The following GRK5 variants were observed in gnomAD, a reference collection of about 807,000 sequenced individuals.
GRK5 encodes the protein g protein-coupled receptor kinase GRK5.
A neutral mutation model predicts 78.4 loss-of-function variants in GRK5; 40 were observed. The ratio of observed to expected loss-of-function variants is 0.51; its 90% CI spans 0.40 to 0.66. The LOEUF is 0.66. Ranked by LOEUF, GRK5 falls within the 30% of genes least tolerant of loss-of-function variation. The pLI, the probability that GRK5 is intolerant of heterozygous loss-of-function variation, is 0.00. For synonymous variants in GRK5, 289 were observed against 296.8 expected, an observed-to-expected ratio of 0.97 and a Z score of 0.27; for missense variants, 598 against 759.9, an observed-to-expected ratio of 0.79 and a Z score of 2.50.
At chr10:119,305,477 C>A (rs1211090564) in intron 1 of GRK5, among the ~76,000 whole-genome samples, 1 of 152,092 alleles carries the variant, frequency 6.6e-6, no homozygotes, top group Admixed American at 6.5e-5. Context: ...GGGTGGAAGC[C>A]CCATAAAGGC....
At chr10:119,360,170 G>A (rs1398621159) in intron 2 of GRK5, among the ~76,000 whole-genome samples, 2 of 151,970 alleles carry the variant, frequency 1.3e-5, no homozygotes, top group Middle Eastern at 3.2e-3. Flanking sequence ...AGTTGAGGGA[G>A]GCTGAGGCTG....
intron 1 of GRK5, among the ~76,000 whole-genome samples, chr10:119,216,879 T>G (rs1848583899): frequency 6.6e-6 from 1 of 152,044 alleles, no homozygotes; most frequent in South Asian, 2.1e-4. Context: ...TGTTTGAACC[T>G]GGGAGTGCCA....
Position 119,245,003 on chromosome 10 carries a change from C to T in GRK5, c.52+37034C>T, listed in dbSNP as rs991447664. Among the ~76,000 whole-genome samples the T allele has an allele frequency of 5.3e-5, 8 of 152,092 alleles. No individual in the cohort carries two copies. In the East Asian group the frequency reaches 5.8e-4, roughly 11 times the overall value. ...TTATCCAAAAGAATTCAAGGCTGGG[C>T]GCGGTGGCTCGCACCTGTAATCCCA... On this transcript the variant is annotated intron_variant, in intron 1 of 15. Transcript: ENST00000392870.
At chr10:119,380,021 C>A (rs1851688129) in intron 2 of GRK5, among the ~76,000 whole-genome samples, 1 of 152,132 alleles carries the variant, frequency 6.6e-6, no homozygotes. Context: ...TAGTGCCTAA[C>A]TGGAAAAGTC....
At chr10:119,348,574 G>C (rs1851140137) in intron 2 of GRK5, among the ~76,000 whole-genome samples, 1 of 152,224 alleles carries the variant, frequency 6.6e-6, no homozygotes, top group African/African-American at 2.4e-5. Flanking sequence ...GTGCTGGGCA[G>C]CAATGGGCAT....
chr10:119,254,024 G>A (rs953017034), intron 1 of GRK5, among the ~76,000 whole-genome samples: 1 of 152,224 alleles, frequency 6.6e-6, no homozygotes, highest in African/African-American at 2.4e-5. Context: ...CAACAGGGCT[G>A]ATGTGTCTCC....
At position 119,455,028 on chromosome 10, in the gene GRK5, C is replaced by G; in HGVS notation, c.1734C>G (p.Asn578Lys). 1 of 1,614,142 alleles carries G rather than the reference C, an allele frequency of 6.2e-7. No homozygotes were observed. Among genetic ancestry groups the G allele is most frequent in the Non-Finnish European group, 8.5e-7 (1 of 1,179,992 alleles). The part of the protein sequence containing the change: ...SSKTSFNHHI[N>K]SNHVSSNSTG... ...AGACCAGTTTTAACCACCACATAAA[C>G]TCAAACCATGTCAGCTCGAACTCCA... Residue 578 changes from asparagine (N) to lysine (K), a missense_variant, in exon 16 of 16, where the codon AAC (asparagine) becomes AAG (lysine). By Grantham distance (94) the Asn-to-Lys change is moderately conservative. Coordinates refer to ENST00000392870, the MANE Select transcript of GRK5 (RefSeq NM_005308.3).
chr10:119,219,915 A>G (rs1007787376), intron 1 of GRK5, among the ~76,000 whole-genome samples: 3 of 152,210 alleles, frequency 2.0e-5, no homozygotes, highest in African/African-American at 7.2e-5. Context: ...TGCTTTTCAC[A>G]TAACTGCTAG....
At chr10:119,234,001 C>G (rs1047012500) in intron 1 of GRK5, among the ~76,000 whole-genome samples, 1 of 151,976 alleles carries the variant, frequency 6.6e-6, no homozygotes, top group Non-Finnish European at 1.5e-5. Context: ...GGTTTGATCC[C>G]CCATCTATTT....
In GRK5 at chr10:119,294,443, A is replaced by G. The variant is rs1589727412; in HGVS notation, c.53-32073A>G. ...CCAAAAGCAGATTTCCCAGGCAGGC[A>G]CTGTCCTGACCCAACCTGCCGCCAG... On this transcript the variant is annotated intron_variant, in intron 1 of 15. Coordinates refer to ENST00000392870, the MANE Select transcript of GRK5 (RefSeq NM_005308.3). Among the ~76,000 whole-genome samples the G allele has an allele frequency of 1.3e-5, 2 of 152,128 alleles. 1 individual carries two copies. Among genetic ancestry groups the G allele is most frequent in the Non-Finnish European group, 2.9e-5 (2 of 68,006 alleles).
At position 119,412,142 on chromosome 10, in the gene GRK5, C is replaced by A. The variant is rs904324682; in HGVS notation, c.340-11024C>A. Among the ~76,000 whole-genome samples, 2 of 152,106 alleles carry A rather than the reference C, an allele frequency of 1.3e-5. No homozygotes were observed. The highest frequency in any genetic ancestry group is 4.8e-5 in the African/African-American group (2 of 41,422). On this transcript the variant is annotated intron_variant, in intron 4 of 15. Transcript: ENST00000392870. This position sits in a 1 kb window ranked among gnomAD's most constrained non-coding sequence, Gnocchi z 4.3. ...CTGGGATTCCAGGCGTGAGCCACTGCGCCCGGCCTCAGATCCGCTTCTGAT... is the reference window on the plus strand; with the variant it reads ...CTGGGATTCCAGGCGTGAGCCACTGAGCCCGGCCTCAGATCCGCTTCTGAT...
rs748020504 is a variant in GRK5 at position 119,431,577 on chromosome 10, G to T, written c.738+50G>T. On this transcript the variant is annotated intron_variant, in intron 8 of 15. Coordinates refer to ENST00000392870, the MANE Select transcript of GRK5 (RefSeq NM_005308.3). The surrounding 1 kb of genome is among the most constrained non-coding windows in gnomAD (Gnocchi z 4.8). Reference sequence around the variant, plus strand: ...ACCGGCTCGCCCTTCTGTGGACTGGGGCTTCCCTCCCTCCGGAAGGGCGTG... The same window carrying T: ...ACCGGCTCGCCCTTCTGTGGACTGGTGCTTCCCTCCCTCCGGAAGGGCGTG... 3.1e-6 allele frequency: 5 copies of T among 1,587,796 alleles called. No homozygotes were observed. The highest frequency in any genetic ancestry group is 4.3e-6 in the Non-Finnish European group (5 of 1,166,042).
intron 4 of GRK5, among the ~76,000 whole-genome samples, chr10:119,422,902 T>G (rs1408856525): frequency 6.6e-6 from 1 of 152,204 alleles, no homozygotes; most frequent in Non-Finnish European, 1.5e-5. Context: ...AGCCTGTAAG[T>G]GACACAGTCA....
chr10:119,244,379 TAACAAC>T (rs902892107), intron 1 of GRK5, among the ~76,000 whole-genome samples: 2 of 152,142 alleles, frequency 1.3e-5, no homozygotes, highest in African/African-American at 4.8e-5. Context: ...TACTATTCAA[TAACAAC>T]AACAACAGCA....
intron 1 of GRK5, among the ~76,000 whole-genome samples, chr10:119,236,415 T>C (rs571215436): frequency 2.6e-5 from 4 of 152,038 alleles, no homozygotes; most frequent in South Asian, 2.1e-4. Context: ...GGGGTTTCAC[T>C]GTGTTAGCCA....
chr10:119,374,339 G>A (rs986564515), intron 2 of GRK5, among the ~76,000 whole-genome samples: 10 of 152,210 alleles, frequency 6.6e-5, no homozygotes, highest in African/African-American at 2.4e-4. Flanking sequence ...CATCCACTGT[G>A]GTGTCCTTGG....
intron 2 of GRK5, among the ~76,000 whole-genome samples, chr10:119,367,201 C>A (rs960744551): frequency 6.6e-6 from 1 of 152,180 alleles, no homozygotes; most frequent in South Asian, 2.1e-4. Flanking sequence ...TCTAAAGATC[C>A]GTGTCGAAAA....
chr10:119,411,842 C>CTTTTTTTTTTTTTTTTTTT lies in GRK5; in HGVS notation c.340-11316_340-11298dup, dbSNP rs10578557. Among the ~76,000 whole-genome samples the CTTTTTTTTTTTTTTTTTTT allele has an allele frequency of 1.4e-3, 138 of 95,942 alleles. 15 individuals carry two copies. The highest frequency in any genetic ancestry group is 1.9e-3 in the Non-Finnish European group (91 of 47,842). 62.9% of individuals were successfully genotyped at this position (95,942 alleles called of 152,430 possible). On this transcript the variant is annotated intron_variant, in intron 4 of 15. Coordinates refer to ENST00000392870, the MANE Select transcript of GRK5 (RefSeq NM_005308.3). Reference sequence around the variant, plus strand: ...CCTCAGCTTCATTGCAGATCTGCTTCTTTTTTTTTTTTTTTTTTTTTTTTT... The same window carrying CTTTTTTTTTTTTTTTTTTT: ...CCTCAGCTTCATTGCAGATCTGCTTCTTTTTTTTTTTTTTTTTTTTTTTTTTTTTTTTTTTTTTTTTTTT...
At chr10:119,273,591 C>G (rs745771416) in intron 1 of GRK5, among the ~76,000 whole-genome samples, 3 of 152,150 alleles carry the variant, frequency 2.0e-5, no homozygotes, top group Non-Finnish European at 2.9e-5. Flanking sequence ...GTGGATGGGC[C>G]GCGGCTTTGA....
Sources: gnomAD v4.1 joint callset for allele counts (sites outside exome capture counted in the v4.1 genomes callset) on GRCh38, gnomAD v4.1.1 for gene constraint, Gnocchi (gnomAD v3.1) non-coding constraint, MANE v1.5 for transcripts, NCBI Gene and HGNC (gene_info 2026-07-23, HGNC 2026-07-21) for gene names.